FAM107A: variants seen among roughly 807,000 people sequenced by gnomAD.
The protein encoded by FAM107A is actin-associated protein FAM107A.
FAM107A carries 19 observed loss-of-function variants against 13.7 expected under a neutral mutation model. The observed-to-expected ratio is 1.38, with a 90% CI of 0.97 to 2.03. The LOEUF is 2.03. Among genes scored for constraint, FAM107A ranks in the 30% most tolerant of loss-of-function variants. The pLI is 0.00. For missense variants in FAM107A, 203 were observed against 184.4 expected, an observed-to-expected ratio of 1.10 and a Z score of -0.58; for synonymous variants, 82 against 74.5, an observed-to-expected ratio of 1.10 and a Z score of -0.52.
chr3:58,602,696 C>T (rs578141875), intron 1 of FAM107A, among the ~76,000 whole-genome samples: 2 of 152,208 alleles, frequency 1.3e-5, no homozygotes, highest in African/African-American at 4.8e-5. Flanking sequence ...GTGAAAAAAA[C>T]AGGTTACAGG....
At chr3:58,576,533 AG>A (rs2063732328) in intron 1 of FAM107A, among the ~76,000 whole-genome samples, 1 of 152,276 alleles carries the variant, frequency 6.6e-6, no homozygotes, top group African/African-American at 2.4e-5. Context: ...AGGGCCACTC[AG>A]GATCTAAGCC....
At position 58,597,393 on chromosome 3, in the gene FAM107A, G is replaced by A. The variant is rs527550088; in HGVS notation, c.-69-8124C>T. Among the ~76,000 whole-genome samples, 16 of 152,312 alleles carry A rather than the reference G, an allele frequency of 1.1e-4. No individual in the cohort carries two copies. In the South Asian group the frequency reaches 3.1e-3, roughly 30 times the overall value. On this transcript the variant is annotated intron_variant, in intron 1 of 3. Transcript: ENST00000465970. ...ATTGGCAGGGAGGAGGGAGGTGTTA[G>A]CAAAATTGCATCGCTGATAAACACA... is the stretch of plus-strand genomic sequence containing the variant.
At chr3:58,620,255 G>A (rs1264774468) in intron 1 of FAM107A, among the ~76,000 whole-genome samples, 3 of 152,184 alleles carry the variant, frequency 2.0e-5, no homozygotes, top group Admixed American at 2.0e-4. Flanking sequence ...CCTAGTCCGG[G>A]GAAGTGGGGA....
At chr3:58,609,552 C>T (rs1453520658) in intron 1 of FAM107A, among the ~76,000 whole-genome samples, 2 of 152,202 alleles carry the variant, frequency 1.3e-5, no homozygotes, top group African/African-American at 4.8e-5. Flanking sequence ...CCATCACTTA[C>T]AGTCAACAAA....
intron 1 of FAM107A, among the ~76,000 whole-genome samples, chr3:58,598,215 A>C (rs999955269): frequency 1.3e-5 from 2 of 152,236 alleles, no homozygotes; most frequent in South Asian, 4.2e-4. Flanking sequence ...CCAGGGATGG[A>C]GAGAATCAGA....
At chr3:58,584,885 C>G (rs367896912) in intron 1 of FAM107A, among the ~76,000 whole-genome samples, 4 of 152,340 alleles carry the variant, frequency 2.6e-5, no homozygotes, top group Non-Finnish European at 2.9e-5. Flanking sequence ...GCTCGGCCCC[C>G]CTCCCGCCCT....
intron 1 of FAM107A, among the ~76,000 whole-genome samples, chr3:58,583,847 A>C (rs2065575249): frequency 6.6e-6 from 1 of 151,702 alleles, no homozygotes; most frequent in African/African-American, 2.4e-5. Context: ...TGCTGGGCTA[A>C]TTTTTAAACA....
chr3:58,591,841 G>A (rs2065656930), upstream of FAM107A, among the ~76,000 whole-genome samples: 1 of 152,246 alleles, frequency 6.6e-6, no homozygotes. This position sits in a 1 kb window ranked among gnomAD's most constrained non-coding sequence, Gnocchi z 4.3. Context: ...CCAGCCTGGA[G>A]CTGTGCTTGG....
chr3:58,621,379 CT>C (rs1198266486), intron 1 of FAM107A, among the ~76,000 whole-genome samples: 1 of 152,112 alleles, frequency 6.6e-6, no homozygotes, highest in African/African-American at 2.4e-5. Flanking sequence ...GGGCCCTGTG[CT>C]TGGTTTAATG....
intron 1 of FAM107A, among the ~76,000 whole-genome samples, chr3:58,621,282 CA>C (rs1470035170): frequency 1.3e-5 from 2 of 152,182 alleles, no homozygotes; most frequent in Admixed American, 1.3e-4. Context: ...CTCCCATGCA[CA>C]GATGTCACCT....
At chr3:58,587,472 AGAGTGTGTGTGT>A (rs137926057), upstream of FAM107A, among the ~76,000 whole-genome samples, 7,817 of 116,406 alleles carry the variant, frequency 0.067, 247 homozygotes, top group South Asian at 0.097. Context: ...TAATCAGCTT[AGAGTGTGTGTGT>A]GTGTGTGTGT....
intron 1 of FAM107A, among the ~76,000 whole-genome samples, chr3:58,622,329 T>C (rs1167996889): frequency 6.6e-6 from 1 of 152,130 alleles, no homozygotes; most frequent in Non-Finnish European, 1.5e-5. Flanking sequence ...TAATCTTAGT[T>C]ACTTGGGAGA....
At chr3:58,568,627 A>G (rs2063648674) in intron 2 of FAM107A, among the ~76,000 whole-genome samples, 1 of 151,418 alleles carries the variant, frequency 6.6e-6, no homozygotes, top group South Asian at 2.1e-4. Context: ...GAAAATGCTC[A>G]TATTATAATA....
intron 1 of FAM107A, among the ~76,000 whole-genome samples, chr3:58,601,205 A>G (rs187588228): frequency 6.6e-6 from 1 of 152,356 alleles, no homozygotes; most frequent in Non-Finnish European, 1.5e-5. Context: ...TATTATTCAC[A>G]GTTATTAAAC....
intron 1 of FAM107A, among the ~76,000 whole-genome samples, chr3:58,608,203 A>C (rs1194408141): frequency 6.6e-6 from 1 of 152,274 alleles, no homozygotes; most frequent in Middle Eastern, 3.4e-3. Flanking sequence ...AATAGAAAGC[A>C]CCTAACATGG....
At chr3:58,623,873 C>T (rs1489517962) in intron 1 of FAM107A, among the ~76,000 whole-genome samples, 2 of 152,260 alleles carry the variant, frequency 1.3e-5, no homozygotes, top group African/African-American at 4.8e-5. Context: ...TGCTCAGGAA[C>T]ATTTTCCATT....
At chr3:58,586,937 G>T in exon 1 of FAM107A, 1 of 1,528,156 alleles carries the variant, frequency 6.5e-7, no homozygotes, top group South Asian at 1.2e-5. Flanking sequence ...TCTGCGCCAT[G>T]CCCCCGCGCC....
chr3:58,592,656 C>T (rs1397221114), intron 1 of FAM107A, among the ~76,000 whole-genome samples: 2 of 152,140 alleles, frequency 1.3e-5, no homozygotes, highest in Admixed American at 6.5e-5. Context: ...AAACTTCATA[C>T]CCCTTACCAT....
chr3:58,565,947 G>C lies in FAM107A; in HGVS notation c.*641C>G, dbSNP rs966011196. 6.6e-6 allele frequency: 1 copy of C among 152,304 alleles called. No individual in the cohort carries two copies. Among genetic ancestry groups the C allele is most frequent in the African/African-American group, 2.4e-5 (1 of 41,460 alleles). The allele number at this position is 152,304 out of a possible 1,614,324, so 9.4% of individuals were successfully genotyped here. On this transcript the variant is annotated 3_prime_UTR_variant, in exon 4 of 4. Transcript: ENST00000360997. ...AATGCGGCAGCCCTGGGTAGGTGTG[G>C]TTAGAAGGCCTGGACGGGGAGGCTG...
Sources: gnomAD v4.1 joint callset for allele counts (sites outside exome capture counted in the v4.1 genomes callset) on GRCh38, gnomAD v4.1.1 for gene constraint, Gnocchi (gnomAD v3.1) non-coding constraint, MANE v1.5 for transcripts, NCBI Gene and HGNC (gene_info 2026-07-23, HGNC 2026-07-21) for gene names.